GNG7: variants seen among roughly 807,000 people sequenced by gnomAD.
The protein encoded by GNG7 is guanine nucleotide-binding protein G(I)/G(S)/G(O) subunit gamma-7.
GNG7 carries 1 observed loss-of-function variant against 4.0 expected under a neutral mutation model. That is an observed-to-expected ratio of 0.25 (90% CI 0.09 to 1.18). GNG7 has a LOEUF of 1.18. Among genes scored for constraint, GNG7 ranks in the 50% most tolerant of loss-of-function variants. The pLI is 0.50. For missense variants in GNG7, 86 were observed against 91.9 expected, an observed-to-expected ratio of 0.94 and a Z score of 0.26; for synonymous variants, 34 against 36.9, an observed-to-expected ratio of 0.92 and a Z score of 0.29.
At chr19:2,628,263 G>A (rs1305084941) in intron 2 of GNG7, among the ~76,000 whole-genome samples, 1 of 152,132 alleles carries the variant, frequency 6.6e-6, no homozygotes, top group African/African-American at 2.4e-5. Flanking sequence ...GGGCTGGGCC[G>A]AGTTGTCATC....
chr19:2,648,597 AAGGT>A (rs1380082309), intron 1 of GNG7, among the ~76,000 whole-genome samples: 1 of 152,200 alleles, frequency 6.6e-6, no homozygotes, highest in Admixed American at 6.5e-5. Context: ...CCATCAATAA[AAGGT>A]AGGGATAGGG....
At chr19:2,645,081 T>C (rs1982628050) in intron 2 of GNG7, among the ~76,000 whole-genome samples, 1 of 152,174 alleles carries the variant, frequency 6.6e-6, no homozygotes, top group Non-Finnish European at 1.5e-5. Flanking sequence ...CAAAGATACT[T>C]CAGGGCCGGG....
Position 2,512,546 on chromosome 19 carries a change from C to T in GNG7, c.*2476G>A, listed in dbSNP as rs1019453901. On this transcript the variant is annotated 3_prime_UTR_variant, in exon 5 of 5. Coordinates refer to ENST00000382159, the MANE Select transcript of GNG7 (RefSeq NM_052847.3). This position sits in a 1 kb window ranked among gnomAD's most constrained non-coding sequence, Gnocchi z 4.7. ...TCCCCGAGCCTCAGTTTACCTGGAA[C>T]GCTCAGCCCGTTTAACCCCACCATC... The T allele has an allele frequency of 3.3e-5, 7 of 210,964 alleles. No homozygotes were observed. Among genetic ancestry groups the T allele is most frequent in the Non-Finnish European group, 4.9e-5 (6 of 121,912 alleles). 13.1% of individuals were successfully genotyped at this position (210,964 alleles called of 1,614,324 possible).
At chr19:2,636,161 TA>T (rs1262321746) in intron 2 of GNG7, among the ~76,000 whole-genome samples, 2 of 152,124 alleles carry the variant, frequency 1.3e-5, no homozygotes, top group Non-Finnish European at 2.9e-5. Context: ...GCAGACAGCA[TA>T]AATCAGGGTA....
intron 3 of GNG7, among the ~76,000 whole-genome samples, chr19:2,526,039 T>C (rs915355376): frequency 4.2e-5 from 6 of 141,688 alleles, no homozygotes; most frequent in Admixed American, 1.5e-4. Context: ...GGCGCGATCT[T>C]GGCTCACTGC....
At chr19:2,627,337 A>G (rs1285053421) in intron 2 of GNG7, among the ~76,000 whole-genome samples, 4 of 152,108 alleles carry the variant, frequency 2.6e-5, no homozygotes, top group African/African-American at 9.7e-5. Context: ...TCCACCTCAC[A>G]TGTTAAATGG....
intron 2 of GNG7, among the ~76,000 whole-genome samples, chr19:2,582,261 CAGCCAATGGGA>C (rs370832068): frequency 6.6e-6 from 1 of 152,116 alleles, no homozygotes; most frequent in African/African-American, 2.4e-5. Context: ...TGGAAGATAT[CAGCCAATGGGA>C]AGCTGGATGA....
intron 2 of GNG7, among the ~76,000 whole-genome samples, chr19:2,562,021 T>C (rs1015527913): frequency 4.6e-5 from 7 of 152,154 alleles, no homozygotes; most frequent in African/African-American, 1.7e-4. Context: ...CAGGCTCTTC[T>C]GGGAGACCAG....
At chr19:2,540,588 G>C (rs1346370839) in intron 3 of GNG7, among the ~76,000 whole-genome samples, 3 of 152,234 alleles carry the variant, frequency 2.0e-5, no homozygotes, top group African/African-American at 7.2e-5. Context: ...CCAAGAAGCA[G>C]ACAGCAGGCC....
rs1041804790 is a variant in GNG7, at chr19:2,521,265, C to CA, written c.-37-541dup. 3.5e-3 allele frequency among the ~76,000 whole-genome samples: 501 copies of CA among 143,876 alleles called. 2 individuals are homozygous for CA. The highest frequency in any genetic ancestry group is 0.01 in the Middle Eastern group (3 of 286). The allele number at this position is 143,876 out of a possible 152,430, so 94.4% of individuals were successfully genotyped here. On this transcript the variant is annotated intron_variant, in intron 3 of 4. Coordinates refer to ENST00000382159, the MANE Select transcript of GNG7 (RefSeq NM_052847.3). ...TGGACGACAGAGCAAGACTCCGTCTCAAAAAAAAAAATAAAGAAAAAATAA... is the reference window on the plus strand; with the variant it reads ...TGGACGACAGAGCAAGACTCCGTCTCAAAAAAAAAAAATAAAGAAAAAATAA...
chr19:2,567,137 A>C (rs1206513542), intron 2 of GNG7, among the ~76,000 whole-genome samples: 73 of 141,538 alleles, frequency 5.2e-4, no homozygotes, highest in African/African-American at 2.1e-3. Flanking sequence ...AAAAACAAAA[A>C]AAAAACAAAA....
At chr19:2,682,186 G>A (rs1186670090) in intron 1 of GNG7, among the ~76,000 whole-genome samples, 1 of 151,992 alleles carries the variant, frequency 6.6e-6, no homozygotes, top group Non-Finnish European at 1.5e-5. Context: ...TGTGATTACA[G>A]GCGTGAGCCA....
chr19:2,564,414 C>G (rs1449420892), intron 2 of GNG7, among the ~76,000 whole-genome samples: 1 of 152,064 alleles, frequency 6.6e-6, no homozygotes, highest in Non-Finnish European at 1.5e-5. Flanking sequence ...AACCCCATCT[C>G]TACCAAAAAT....
chr19:2,571,313 C>T (rs970853133), intron 2 of GNG7, among the ~76,000 whole-genome samples: 6 of 152,130 alleles, frequency 3.9e-5, no homozygotes. Flanking sequence ...AAGGTGCTAC[C>T]TGCTGATGCG....
chr19:2,638,070 G>T (rs1356511962), intron 2 of GNG7, among the ~76,000 whole-genome samples: 1 of 152,026 alleles, frequency 6.6e-6, no homozygotes, highest in East Asian at 1.9e-4. Context: ...AGTCAGTTTT[G>T]AAATAATGAA....
At chr19:2,636,810 A>G (rs1264255610) in intron 2 of GNG7, among the ~76,000 whole-genome samples, 2 of 152,090 alleles carry the variant, frequency 1.3e-5, no homozygotes, top group East Asian at 1.9e-4. Context: ...GGGTAGTGAC[A>G]GAGCTTAAAG....
intron 2 of GNG7, among the ~76,000 whole-genome samples, chr19:2,582,887 T>G (rs1393777894): frequency 2.0e-5 from 3 of 152,106 alleles, no homozygotes; most frequent in African/African-American, 7.2e-5. Flanking sequence ...CAGGATGGTC[T>G]CGATCTCTTG....
chr19:2,655,188 C>CAAA (rs57555514), intron 1 of GNG7, among the ~76,000 whole-genome samples: 3 of 59,936 alleles, frequency 5.0e-5, no homozygotes, highest in African/African-American at 1.0e-4. Context: ...GACTCTGTCT[C>CAAA]AAAAAAAAAA....
chr19:2,596,510 T>TA (rs900421818), intron 2 of GNG7, among the ~76,000 whole-genome samples: 13 of 151,092 alleles, frequency 8.6e-5, no homozygotes, highest in Non-Finnish European at 1.0e-4. Context: ...CAATTAAAAT[T>TA]AAAAAAAAAT....
Sources: gnomAD v4.1 joint callset for allele counts (sites outside exome capture counted in the v4.1 genomes callset) on GRCh38, gnomAD v4.1.1 for gene constraint, Gnocchi (gnomAD v3.1) non-coding constraint, MANE v1.5 for transcripts, NCBI Gene and HGNC (gene_info 2026-07-23, HGNC 2026-07-21) for gene names.